The following BBIP1 variants were observed in gnomAD, a reference collection of about 807,000 sequenced individuals.
BBIP1 encodes BBSome interacting protein 1, also known as BBSome-interacting protein 1.
In BBIP1, 6 loss-of-function variants were observed where a neutral mutation model predicts 8.9. That is an observed-to-expected ratio of 0.67 (90% CI 0.37 to 1.33). BBIP1 has a LOEUF of 1.33. BBIP1 is among the 40% of genes most tolerant of loss of function. The probability of loss-of-function intolerance (pLI) is 0.02; values close to 1 mark genes in which losing one functional copy is unlikely to be tolerated. For synonymous variants in BBIP1, 32 were observed against 33.4 expected (o/e 0.96, Z 0.14); for missense variants, 111 against 109.2 (o/e 1.02, Z -0.07).
intron 2 of BBIP1, among the ~76,000 whole-genome samples, chr10:110,906,227 T>C (rs950327955): frequency 2.6e-5 from 4 of 152,096 alleles, no homozygotes; most frequent in African/African-American, 7.2e-5. Flanking sequence ...AGGATGGTCT[T>C]GATCTCCTGA....
chr10:110,906,454 A>C (rs1433162423), intron 2 of BBIP1: 1 of 152,244 alleles, frequency 6.6e-6, no homozygotes. Flanking sequence ...GCAATTGTTG[A>C]ACATAAAAGT....
At chr10:110,910,007 T>C (rs766414818) in intron 2 of BBIP1, among the ~76,000 whole-genome samples, 12 of 152,146 alleles carry the variant, frequency 7.9e-5, no homozygotes, top group Non-Finnish European at 1.6e-4. Flanking sequence ...ATGAGACACA[T>C]GTAAATAATT....
At chr10:110,902,778 ATAAG>A (rs1405708468) in intron 2 of BBIP1, 2 of 152,252 alleles carry the variant, frequency 1.3e-5, no homozygotes, top group Non-Finnish European at 2.9e-5. Context: ...AGATGATGAA[ATAAG>A]TAATGGACCA....
intron 2 of BBIP1, among the ~76,000 whole-genome samples, chr10:110,908,410 T>C (rs1449847149): frequency 2.6e-5 from 4 of 152,214 alleles, no homozygotes; most frequent in African/African-American, 9.7e-5. Flanking sequence ...ATGGGCCTTA[T>C]TTCTACTTTC....
chr10:110,906,081 C>G (rs1363289580), intron 2 of BBIP1, among the ~76,000 whole-genome samples: 1 of 150,752 alleles, frequency 6.6e-6, no homozygotes, highest in African/African-American at 2.4e-5. Context: ...TGGCTCACTG[C>G]AAGCTCCGCC....
chr10:110,900,688 T>C (rs2134016469), intron 3 of BBIP1, 162 bp from the exon 4 acceptor site: 1 of 618,518 alleles, frequency 1.6e-6, no homozygotes, highest in Non-Finnish European at 2.7e-6. Context: ...ATCATTGTCA[T>C]TCTATAAGCG....
chr10:110,915,351 G>A (rs1433393361), intron 2 of BBIP1, among the ~76,000 whole-genome samples: 1 of 151,886 alleles, frequency 6.6e-6, no homozygotes, highest in African/African-American at 2.4e-5. Context: ...ACAGGGTTTT[G>A]CCGTATTGCC....
intron 2 of BBIP1, chr10:110,902,876 ATTCTT>A (rs1379026028): frequency 4.0e-5 from 6 of 151,280 alleles, no homozygotes; most frequent in Admixed American, 3.9e-4. Context: ...CTCCTACCAT[ATTCTT>A]TTCTTTTTAG....
At position 110,900,193 on chromosome 10, in the gene BBIP1, T is replaced by C; in HGVS notation, c.*167A>G. 1.4e-6 allele frequency: 1 copy of C among 700,810 alleles called. No homozygotes were observed. The highest frequency in any genetic ancestry group is 2.2e-6 in the Non-Finnish European group (1 of 453,454). The allele number at this position is 700,810 out of a possible 1,614,324, so 43.4% of individuals were successfully genotyped here. On this transcript the variant is annotated 3_prime_UTR_variant, in exon 4 of 4. Transcript: ENST00000448814. ...TTATGTTCAATACAAACCAGAGTGT[T>C]TACATTCACAATACAAATTTCATCA...
chr10:110,898,803 T>C lies in BBIP1; in HGVS notation c.*1557A>G, dbSNP rs984736615. 2 of 152,634 alleles carry C rather than the reference T, an allele frequency of 1.3e-5. No homozygotes were observed. Among genetic ancestry groups the C allele is most frequent in the African/African-American group, 4.8e-5 (2 of 41,446 alleles). 9.5% of individuals were successfully genotyped at this position (152,634 alleles called of 1,614,324 possible). On this transcript the variant is annotated 3_prime_UTR_variant, in exon 4 of 4. Coordinates refer to ENST00000448814, the MANE Select transcript of BBIP1 (RefSeq NM_001195305.3). ...AAACTTTAATTTCACACAGTAAATT[T>C]TGAATCTCATAAGGAAGCATATTTG...
chr10:110,901,975 T>C (rs11195370), intron 2 of BBIP1: 1 of 168,616 alleles, frequency 5.9e-6, no homozygotes, highest in African/African-American at 2.4e-5. Flanking sequence ...CCCTGAATGG[T>C]GGGTGACAAA....
At chr10:110,918,431 C>T (rs1034525627) in intron 1 of BBIP1, among the ~76,000 whole-genome samples, 4 of 152,202 alleles carry the variant, frequency 2.6e-5, no homozygotes, top group African/African-American at 9.6e-5. Context: ...TGAGGTCCTG[C>T]CCTGGTGGTA....
intron 2 of BBIP1, chr10:110,902,258 C>T (rs969288827): frequency 1.3e-5 from 2 of 153,270 alleles, no homozygotes; most frequent in African/African-American, 4.8e-5. Context: ...GCGAAAGGAC[C>T]AACAATATTT....
chr10:110,916,027 G>C (rs1171521354), intron 2 of BBIP1, among the ~76,000 whole-genome samples: 1 of 152,190 alleles, frequency 6.6e-6, no homozygotes, highest in Non-Finnish European at 1.5e-5. Context: ...ATTATTAATA[G>C]AGTGAGTAGG....
chr10:110,915,029 A>G (rs1027596235), intron 2 of BBIP1, among the ~76,000 whole-genome samples: 8 of 152,334 alleles, frequency 5.3e-5, no homozygotes, highest in African/African-American at 1.7e-4. Flanking sequence ...AAGTTGTTTG[A>G]TACTTTACAG....
Position 110,901,314 on chromosome 10 carries a change from A to G in BBIP1, c.112+224T>C, listed in dbSNP as rs552216849. ...AATTCATATTGTAATTAGGAATTTT[A>G]GGAATTAGCTAATTAATAGGCAATT... On this transcript the variant is annotated intron_variant, in intron 3 of 3. Coordinates refer to ENST00000448814, the MANE Select transcript of BBIP1 (RefSeq NM_001195305.3). 1.1e-5 allele frequency: 6 copies of G among 534,084 alleles called. No individual in the cohort carries two copies. In the Admixed American group the frequency reaches 1.3e-4, roughly 11 times the overall value. 33.1% of individuals were successfully genotyped at this position (534,084 alleles called of 1,614,324 possible).
In BBIP1 at chr10:110,899,643, C is replaced by T. The variant is rs1045735530; in HGVS notation, c.*717G>A. ...AGAAACCCTGTCTCTATTAAAAATA[C>T]AAAAGTAGCCAGGCATGGTGGCGCA... On this transcript the variant is annotated 3_prime_UTR_variant, in exon 4 of 4. Coordinates refer to ENST00000448814, the MANE Select transcript of BBIP1 (RefSeq NM_001195305.3). 2.0e-5 allele frequency: 3 copies of T among 152,056 alleles called. No homozygotes were observed. Among genetic ancestry groups the T allele is most frequent in the Non-Finnish European group, 4.4e-5 (3 of 68,032 alleles). 9.4% of individuals were successfully genotyped at this position (152,056 alleles called of 1,614,324 possible).
At chr10:110,901,955 A>G (rs1174002689) in intron 2 of BBIP1, 1 of 216,862 alleles carries the variant, frequency 4.6e-6, no homozygotes, top group East Asian at 1.0e-4. Flanking sequence ...TGGTTCGTTG[A>G]TAGCATCTCC....
intron 2 of BBIP1, among the ~76,000 whole-genome samples, chr10:110,916,664 G>A (rs1255196528): frequency 1.3e-5 from 2 of 152,108 alleles, no homozygotes; most frequent in Non-Finnish European, 2.9e-5. Context: ...TGAATTGCAG[G>A]GCCCACACAT....
Sources: allele counts gnomAD v4.1 joint callset (sites outside exome capture counted in the v4.1 genomes callset), GRCh38; gene constraint gnomAD v4.1.1; transcripts MANE v1.5; gene names NCBI Gene and HGNC (gene_info 2026-07-23, HGNC 2026-07-21).